IGF2BP3: variants seen among roughly 807,000 people sequenced by gnomAD.
IGF2BP3 encodes the protein insulin-like growth factor 2 mRNA-binding protein 3.
IGF2BP3 carries 9 observed loss-of-function variants against 73.8 expected under a neutral mutation model. The ratio of observed to expected loss-of-function variants is 0.12; its 90% confidence interval spans 0.07 to 0.21. The LOEUF (loss-of-function observed/expected upper bound fraction) is 0.21, where lower values mean the gene tolerates loss of function less well. Ranked by LOEUF, IGF2BP3 falls within the 10% of genes least tolerant of loss-of-function variation. The pLI is 1.00. For synonymous variants in IGF2BP3, 258 were observed against 256.7 expected (o/e 1.01, Z -0.05); for missense variants, 542 against 714.0 (o/e 0.76, Z 2.75).
At chr7:23,355,166 T>TA (rs1287932681) in intron 5 of IGF2BP3, among the ~76,000 whole-genome samples, 6 of 152,100 alleles carry the variant, frequency 3.9e-5, no homozygotes, top group Non-Finnish European at 7.4e-5. Context: ...AAACAGAACT[T>TA]AAAGATGTTT....
intron 3 of IGF2BP3, chr7:23,415,230 G>C (rs74502158): frequency 4.5e-6 from 1 of 223,452 alleles, no homozygotes; most frequent in Admixed American, 6.7e-5. Flanking sequence ...CGGCATCAAC[G>C]CATCACCAGG....
chr7:23,356,196 T>C (rs1173085974), intron 5 of IGF2BP3, among the ~76,000 whole-genome samples: 3 of 152,310 alleles, frequency 2.0e-5, no homozygotes, highest in African/African-American at 7.2e-5. Flanking sequence ...AAGGTCATTT[T>C]CCTTTTTGGC....
At chr7:23,467,297 CTAT>C (rs1188844380) in intron 2 of IGF2BP3, among the ~76,000 whole-genome samples, 1 of 152,230 alleles carries the variant, frequency 6.6e-6, no homozygotes, top group East Asian at 1.9e-4. Context: ...TTGTAGCCAT[CTAT>C]TTCTGCACAG....
intron 3 of IGF2BP3, among the ~76,000 whole-genome samples, chr7:23,387,416 C>T (rs1786120184): frequency 1.3e-5 from 2 of 152,076 alleles, no homozygotes; most frequent in Admixed American, 1.3e-4. Context: ...GATCATGGAA[C>T]AGATAAAGGA....
At chr7:23,335,911 A>G (rs1784561809) in intron 10 of IGF2BP3, among the ~76,000 whole-genome samples, 1 of 152,222 alleles carries the variant, frequency 6.6e-6, no homozygotes, top group Non-Finnish European at 1.5e-5. Flanking sequence ...TTTGCCAGTT[A>G]AGTACTGTAC....
At chr7:23,438,645 G>A (rs890998986) in intron 2 of IGF2BP3, among the ~76,000 whole-genome samples, 1 of 151,914 alleles carries the variant, frequency 6.6e-6, no homozygotes, top group African/African-American at 2.4e-5. Flanking sequence ...CTTTCTACTG[G>A]GAAGTCATTT....
intron 2 of IGF2BP3, among the ~76,000 whole-genome samples, chr7:23,441,517 G>A (rs1341138401): frequency 7.2e-6 from 1 of 139,554 alleles, no homozygotes; most frequent in African/African-American, 2.6e-5. Context: ...AGGTTGCAGT[G>A]AGCTGAGATC....
At chr7:23,457,784 G>A (rs754833454) in intron 2 of IGF2BP3, among the ~76,000 whole-genome samples, 10 of 152,188 alleles carry the variant, frequency 6.6e-5, no homozygotes, top group Non-Finnish European at 1.3e-4. Context: ...TAGAGAGAGT[G>A]AGGATTGAAA....
At chr7:23,329,907 C>T (rs1383679765) in intron 10 of IGF2BP3, among the ~76,000 whole-genome samples, 2 of 152,172 alleles carry the variant, frequency 1.3e-5, no homozygotes, top group Non-Finnish European at 2.9e-5. Flanking sequence ...GGTGGAGCCA[C>T]GATTCAAACC....
intron 6 of IGF2BP3, among the ~76,000 whole-genome samples, 166 bp downstream of exon 6, chr7:23,351,139 T>C (rs1223127832): frequency 5.3e-5 from 8 of 152,178 alleles, no homozygotes; most frequent in Non-Finnish European, 1.2e-4. Context: ...CAGATTTATA[T>C]GAAATGAACA....
chr7:23,433,111 T>C (rs1787727537), intron 2 of IGF2BP3, among the ~76,000 whole-genome samples: 1 of 152,184 alleles, frequency 6.6e-6, no homozygotes, highest in African/African-American at 2.4e-5. Context: ...CCTAAAAAAT[T>C]AGAGTGGTAA....
chr7:23,318,867 C>T (rs73279764), intron 11 of IGF2BP3, among the ~76,000 whole-genome samples: 4 of 152,138 alleles, frequency 2.6e-5, no homozygotes, highest in Non-Finnish European at 5.9e-5. Context: ...AAGGCCGTAC[C>T]TGGGGAAGGT....
intron 3 of IGF2BP3, among the ~76,000 whole-genome samples, chr7:23,407,769 CA>C (rs1786882625): frequency 6.6e-6 from 1 of 151,950 alleles, no homozygotes; most frequent in Non-Finnish European, 1.5e-5. Context: ...ACCCTGATAA[CA>C]AAATCAATGG....
Position 23,347,653 on chromosome 7 carries a change from C to T in IGF2BP3, c.765G>A (p.Ala255=), listed in dbSNP as rs376652849. 3.7e-5 allele frequency: 60 copies of T among 1,613,898 alleles called. No individual in the cohort carries two copies. Among genetic ancestry groups the T allele is most frequent in the East Asian group, 6.7e-5 (3 of 44,870 alleles). The change falls in exon 7 of 15, where the codon GCG becomes GCA. Residue 255 remains alanine, a synonymous_variant. Transcript: ENST00000258729. Reference sequence around the variant, plus strand: ...TAATCTCCAGAATAGACTTACAAGCCGCAGAGGTGCCTTCAGGAGTAGAGA... The same window carrying T: ...TAATCTCCAGAATAGACTTACAAGCTGCAGAGGTGCCTTCAGGAGTAGAGA... The part of the protein sequence containing the change: ...TILSTPEGTS[A]ACKSILEIMH...
chr7:23,345,909 T>C, intron 8 of IGF2BP3, 31 bp downstream of exon 8: 1 of 1,605,122 alleles, frequency 6.2e-7, no homozygotes, highest in South Asian at 1.1e-5. Context: ...TGTTGGAAAG[T>C]TTTCTTATTC....
At chr7:23,456,387 A>T (rs1198319900) in intron 2 of IGF2BP3, among the ~76,000 whole-genome samples, 2 of 152,180 alleles carry the variant, frequency 1.3e-5, no homozygotes, top group Non-Finnish European at 2.9e-5. Flanking sequence ...CTAATTCTTA[A>T]TCAAATTCCT....
intron 10 of IGF2BP3, among the ~76,000 whole-genome samples, chr7:23,341,355 A>T (rs548106465): frequency 4.6e-5 from 7 of 152,196 alleles, no homozygotes; most frequent in African/African-American, 1.7e-4. Flanking sequence ...AGCCTTTAAA[A>T]AATCTTTTCC....
In IGF2BP3 at chr7:23,469,990, A is replaced by G; in HGVS notation, c.121T>C (p.Phe41Leu). The G allele has an allele frequency of 6.2e-7, 1 of 1,612,636 alleles. No homozygotes were observed. The highest frequency in any genetic ancestry group is 8.5e-7 in the Non-Finnish European group (1 of 1,179,736). The change falls in exon 1 of 15, where the codon TTC becomes CTC. Residue 41 changes from phenylalanine (F) to leucine (L), a missense_variant. Phe to Leu is a conservative substitution (Grantham distance 22). Coordinates refer to ENST00000258729, the MANE Select transcript of IGF2BP3 (RefSeq NM_006547.3). This position sits in a 1 kb window ranked among gnomAD's most constrained non-coding sequence, Gnocchi z 6.1. ...CAGCTCTCGTCCGGGCAGTCCACGA[A>G]CGCGTAGCCAGTCTTCACCAGGAAG... ...GPFLVKTGYA[F>L]VDCPDESWAL...
At chr7:23,316,674 C>CAAA (rs1271667588) in intron 12 of IGF2BP3, among the ~76,000 whole-genome samples, 15 of 50,022 alleles carry the variant, frequency 3.0e-4, no homozygotes, top group South Asian at 7.7e-4. Flanking sequence ...GACTCTGTCT[C>CAAA]AAAAAAAAAA....
Sources: allele counts gnomAD v4.1 joint callset (sites outside exome capture counted in the v4.1 genomes callset), GRCh38; gene constraint gnomAD v4.1.1; non-coding constraint Gnocchi (gnomAD v3.1); transcripts MANE v1.5; gene names NCBI Gene and HGNC (gene_info 2026-07-23, HGNC 2026-07-21).